DLX3: variants seen among roughly 807,000 people sequenced by gnomAD.
DLX3 encodes the protein homeobox protein DLX-3.
In DLX3, 9 loss-of-function variants were observed where a neutral mutation model predicts 28.0. That is an observed-to-expected ratio of 0.32 (90% CI 0.19 to 0.56). The LOEUF is 0.56. DLX3 is among the 20% of genes least tolerant of loss of function. The pLI is 0.91. For missense variants in DLX3, 313 were observed against 378.2 expected (o/e 0.83, Z 1.43); for synonymous variants, 154 against 167.9 (o/e 0.92, Z 0.64).
At position 49,993,466 on chromosome 17, in the gene DLX3, C is replaced by T; in HGVS notation, c.450G>A (p.Lys150=). The change falls in exon 2 of 3, where the codon AAG becomes AAA. Residue 150 remains lysine (K), a synonymous_variant. Transcript: ENST00000434704. ...GCTCGGGCAGCGCCAGGTACTGGGCCTTCTGGAAGCGGCGCTGCAGGGCGG... is the reference window on the plus strand; with the variant it reads ...GCTCGGGCAGCGCCAGGTACTGGGCTTTCTGGAAGCGGCGCTGCAGGGCGG... ...QLAALQRRFQ[K]AQYLALPERA... is the part of the protein sequence containing the mutation. 1 of 1,612,450 alleles carries T rather than the reference C, an allele frequency of 6.2e-7. No individual in the cohort carries two copies. The highest frequency in any genetic ancestry group is 1.7e-5 in the Admixed American group (1 of 59,900).
Position 49,994,668 on chromosome 17 carries a change from C to T in DLX3, c.325+6G>A. 4 of 1,614,108 alleles carry T rather than the reference C, an allele frequency of 2.5e-6. No individual in the cohort carries two copies. The highest frequency in any genetic ancestry group is 3.4e-6 in the Non-Finnish European group (4 of 1,180,034). On this transcript the variant is annotated splice_donor_region_variant and intron_variant, in intron 1 of 2. Transcript: ENST00000434704. ...CCCACTGTCCTCGCGACCCCGTGGCCCTCACCTGGGTCCTGGGCTGGCAGC... is the reference window on the plus strand; with the variant it reads ...CCCACTGTCCTCGCGACCCCGTGGCTCTCACCTGGGTCCTGGGCTGGCAGC...
rs979955241 is a variant in DLX3 at position 49,990,099 on chromosome 17, C to T, written c.*1418G>A. The T allele has an allele frequency of 3.3e-5, 5 of 152,464 alleles. No homozygotes were observed. The highest frequency in any genetic ancestry group is 6.5e-5 in the Admixed American group (1 of 15,272). The allele number at this position is 152,464 out of a possible 1,614,324, so 9.4% of individuals were successfully genotyped here. A position where few individuals can be genotyped will look rare whatever the true frequency, so the allele number is the denominator to read the frequency against. ...TGGGAGGGGGTGGGAGATGGCTTTG[C>T]TTCTTCCCCCCCGGGTGGGACTCTT... On this transcript the variant is annotated 3_prime_UTR_variant, in exon 3 of 3. Coordinates refer to ENST00000434704, the MANE Select transcript of DLX3 (RefSeq NM_005220.3).
Position 49,995,051 on chromosome 17 carries a change from G to A in DLX3, c.-53C>T. On this transcript the variant is annotated 5_prime_UTR_variant, in exon 1 of 3. Coordinates refer to ENST00000434704, the MANE Select transcript of DLX3 (RefSeq NM_005220.3). ...CTGGCCTCCGCAGAGGACAGGAACG[G>A]ACCGGAGTGCGAGAGAGGCGGAAGA... 1 of 1,590,352 alleles carries A rather than the reference G, an allele frequency of 6.3e-7. No individual in the cohort carries two copies. The highest frequency in any genetic ancestry group is 2.3e-5 in the East Asian group (1 of 44,390).
Position 49,991,267 on chromosome 17 carries a change from A to G in DLX3, c.*250T>C, listed in dbSNP as rs1197930002. On this transcript the variant is annotated 3_prime_UTR_variant, in exon 3 of 3. Transcript: ENST00000434704. The stretch of plus-strand genomic sequence containing the variant: ...AGCAGGTAGGGGAATGGCTGTCCCC[A>G]CTGGGGTGGAATGTCCCCACATCTG... 20 of 503,346 alleles carry G rather than the reference A, an allele frequency of 4.0e-5. No individual in the cohort carries two copies. The East Asian group carries it at 6.0e-4, about 15-fold the overall frequency. The allele number at this position is 503,346 out of a possible 1,614,324, so 31.2% of individuals were successfully genotyped here.
rs373291908 is a variant in DLX3, at chr17:49,991,699, G to A, written c.682C>T (p.Arg228Cys). Residue 228 changes from arginine (R) to cysteine (C), a missense_variant, in exon 3 of 3, where the codon CGC becomes TGC. Transcript: ENST00000434704. The part of the protein sequence containing the change: ...TSSHSTPAPA[R>C]SQLPPPLPYS... ...GGGAGCGGCGGGGGCAGCTGACTGC[G>A]GGCAGGGGCCGGAGTGGAGTGGGAA... 1.5e-5 allele frequency: 25 copies of A among 1,613,494 alleles called. No homozygotes were observed. Among genetic ancestry groups the A allele is most frequent in the Admixed American group, 1.2e-4 (7 of 59,968 alleles).
At chr17:49,993,754 C>T in intron 1 of DLX3, 164 bp from the exon 2 acceptor site, 2 of 681,182 alleles carry the variant, frequency 2.9e-6, no homozygotes, top group Non-Finnish European at 4.4e-6. Flanking sequence ...GGAGCCGCGG[C>T]CCCAGAGCCA....
rs1041243849 is a variant in DLX3, at chr17:49,991,463, C to T, written c.*54G>A. On this transcript the variant is annotated 3_prime_UTR_variant, in exon 3 of 3. Transcript: ENST00000434704. Reference sequence around the variant, plus strand: ...GATTCCTGAGTGGCTAGGACGGAGGCGCCTTCTGCCTGGTCCTGGGGTCCT... The same window carrying T: ...GATTCCTGAGTGGCTAGGACGGAGGTGCCTTCTGCCTGGTCCTGGGGTCCT... The T allele has an allele frequency of 4.1e-6, 6 of 1,460,002 alleles. No homozygotes were observed. Among genetic ancestry groups the T allele is most frequent in the East Asian group, 2.4e-5 (1 of 42,352 alleles). The allele number at this position is 1,460,002 out of a possible 1,614,324, so 90.4% of individuals were successfully genotyped here.
At position 49,991,541 on chromosome 17, in the gene DLX3, C is replaced by CG. The variant is rs1906088738; in HGVS notation, c.839dup (p.Pro281AlafsTer61). 2 of 1,607,036 alleles carry CG rather than the reference C, an allele frequency of 1.2e-6. No individual in the cohort carries two copies. Among genetic ancestry groups the CG allele is most frequent in the Non-Finnish European group, 8.5e-7 (1 of 1,179,150 alleles). On this transcript the variant is annotated frameshift_variant, in exon 3 of 3. Coordinates refer to ENST00000434704, the MANE Select transcript of DLX3 (RefSeq NM_005220.3). LOFTEE classifies it high-confidence loss of function. ...CTCAGTACACAGCCCCAGGGTTGGG[C>CG]GGGGGCCCGGGAGAGGCATGGTGCA...
Position 49,990,563 on chromosome 17 carries a change from G to A in DLX3, c.*954C>T, listed in dbSNP as rs1906051110. The A allele has an allele frequency of 6.6e-6, 1 of 152,504 alleles. No homozygotes were observed. Among genetic ancestry groups the A allele is most frequent in the Admixed American group, 6.5e-5 (1 of 15,274 alleles). 9.4% of individuals were successfully genotyped at this position (152,504 alleles called of 1,614,324 possible). A position where few individuals can be genotyped will look rare whatever the true frequency, so the allele number is the denominator to read the frequency against. ...CTGTTTCCAAGGCCACCGGAAAGGA[G>A]GTGTTTGGGGGTTTGTCTTGCCTGG... On this transcript the variant is annotated 3_prime_UTR_variant, in exon 3 of 3. Transcript: ENST00000434704.
rs1483058354 is a variant in DLX3 at position 49,993,479 on chromosome 17, C to T, written c.437G>A (p.Arg146His). The T allele has an allele frequency of 6.2e-7, 1 of 1,612,692 alleles. No individual in the cohort carries two copies. The highest frequency in any genetic ancestry group is 1.1e-5 in the South Asian group (1 of 90,972). ...YSSYQLAALQ[R>H]RFQKAQYLAL... ...CAGGTACTGGGCCTTCTGGAAGCGG[C>T]GCTGCAGGGCGGCCAGCTGGTAGCT... Residue 146 changes from arginine to histidine, a missense_variant, in exon 2 of 3, where the codon CGC (arginine) becomes CAC (histidine). By Grantham distance (29) the Arg-to-His change is conservative. Around this residue, in one of 3 missense-constraint regions of DLX3, gnomAD observed 183 missense variants for 197.7 expected, o/e 0.93. Transcript: ENST00000434704.
Position 49,991,545 on chromosome 17 carries a change from G to A in DLX3, c.836C>T (p.Pro279Leu). Reference protein sequence around the residue: ...PATLHHASPGPPPNPGAVY With the variant: ...PATLHHASPGLPPNPGAVY The stretch of plus-strand genomic sequence containing the variant: ...GTACACAGCCCCAGGGTTGGGCGGG[G>A]GCCCGGGAGAGGCATGGTGCAGGGT... Residue 279 changes from proline to leucine, a missense_variant, in exon 3 of 3, where the codon CCC (proline) becomes CTC (leucine). Physicochemically the swap from Pro to Leu is moderately conservative, Grantham distance 98 (BLOSUM62 -3). This residue lies in a region of DLX3 where 120 missense variants were observed against 145.4 expected (regional missense o/e 0.83). Coordinates refer to ENST00000434704, the MANE Select transcript of DLX3 (RefSeq NM_005220.3). 1.2e-6 allele frequency: 2 copies of A among 1,608,920 alleles called. No homozygotes were observed. Among genetic ancestry groups the A allele is most frequent in the Non-Finnish European group, 1.7e-6 (2 of 1,179,582 alleles).
chr17:49,994,861 G>C lies in DLX3; in HGVS notation c.138C>G (p.Pro46=). ...GCTGGCCCGAGTAGTAATCGTGCTG[G>C]GGAGCGCTGTAGTAGCCCAGGTCAG... ...SVTDLGYYSA[P]QHDYYSGQPY... Residue 46 remains proline (P), a synonymous_variant, in exon 1 of 3, where the codon CCC becomes CCG. Coordinates refer to ENST00000434704, the MANE Select transcript of DLX3 (RefSeq NM_005220.3). 3 of 1,614,158 alleles carry C rather than the reference G, an allele frequency of 1.9e-6. No individual in the cohort carries two copies. The highest frequency in any genetic ancestry group is 2.5e-6 in the Non-Finnish European group (3 of 1,180,032).
chr17:49,990,160 C>T lies in DLX3; in HGVS notation c.*1357G>A, dbSNP rs1038546193. Reference sequence around the variant, plus strand: ...CACGTCTCTCTTGGCCCCTGCACCTCCCACAAAACCCAAATCCAGCCGGAG... The same window carrying T: ...CACGTCTCTCTTGGCCCCTGCACCTTCCACAAAACCCAAATCCAGCCGGAG... On this transcript the variant is annotated 3_prime_UTR_variant, in exon 3 of 3. Coordinates refer to ENST00000434704, the MANE Select transcript of DLX3 (RefSeq NM_005220.3). 4 of 152,332 alleles carry T rather than the reference C, an allele frequency of 2.6e-5. No individual in the cohort carries two copies. The highest frequency in any genetic ancestry group is 5.9e-5 in the Non-Finnish European group (4 of 68,042). The allele number at this position is 152,332 out of a possible 1,614,324, so 9.4% of individuals were successfully genotyped here.
Position 49,995,068 on chromosome 17 carries a change from G to A in DLX3, c.-70C>T, listed in dbSNP as rs554800240. ...CAGGAACGGACCGGAGTGCGAGAGAGGCGGAAGAGACGAGGCAGGGGTGTG... is the reference window on the plus strand; with the variant it reads ...CAGGAACGGACCGGAGTGCGAGAGAAGCGGAAGAGACGAGGCAGGGGTGTG... On this transcript the variant is annotated 5_prime_UTR_variant, in exon 1 of 3. Coordinates refer to ENST00000434704, the MANE Select transcript of DLX3 (RefSeq NM_005220.3). 5 of 1,557,060 alleles carry A rather than the reference G, an allele frequency of 3.2e-6. 1 individual carries two copies. In the Admixed American group the frequency reaches 7.3e-5, roughly 23 times the overall value.
chr17:49,992,484 C>G (rs531791088), intron 2 of DLX3, among the ~76,000 whole-genome samples: 146 of 152,298 alleles, frequency 9.6e-4, no homozygotes, highest in Non-Finnish European at 1.7e-3. Context: ...TTCACACACT[C>G]AGGTGTGGAG....
intron 1 of DLX3, 114 bp from the exon 2 acceptor site, chr17:49,993,704 G>T: frequency 7.9e-7 from 1 of 1,265,924 alleles, no homozygotes; most frequent in Non-Finnish European, 1.1e-6. Context: ...ACTCGCCGCG[G>T]GATTCCCGGC....
intron 1 of DLX3, among the ~76,000 whole-genome samples, chr17:49,994,143 C>T (rs1487276995): frequency 6.9e-6 from 1 of 144,960 alleles, no homozygotes; most frequent in Non-Finnish European, 1.5e-5. Context: ...CTCTCACTGT[C>T]TTTCCATACT....
chr17:49,994,146 TC>T (rs979984421), intron 1 of DLX3, among the ~76,000 whole-genome samples: 14 of 146,030 alleles, frequency 9.6e-5, no homozygotes, highest in African/African-American at 3.6e-4. Context: ...TCACTGTCTT[TC>T]CATACTTCCC....
Position 49,995,106 on chromosome 17 carries a change from G to T in DLX3, c.-108C>A, listed in dbSNP as rs1305018391. 3.6e-6 allele frequency: 5 copies of T among 1,393,680 alleles called. No individual in the cohort carries two copies. In the East Asian group the frequency reaches 1.2e-4, roughly 35 times the overall value. The allele number at this position is 1,393,680 out of a possible 1,614,324, so 86.3% of individuals were successfully genotyped here. A position where few individuals can be genotyped will look rare whatever the true frequency, so the allele number is the denominator to read the frequency against. The stretch of plus-strand genomic sequence containing the variant: ...AGGCAGGGGTGTGTGTCCAGAAGGC[G>T]AAGGGAGGACCCGGCCGCGTCTGGG... On this transcript the variant is annotated 5_prime_UTR_variant, in exon 1 of 3. Coordinates refer to ENST00000434704, the MANE Select transcript of DLX3 (RefSeq NM_005220.3).
Sources: gnomAD v4.1 joint callset for allele counts (sites outside exome capture counted in the v4.1 genomes callset) on GRCh38, gnomAD v4.1.1 for gene constraint, gnomAD v4.1.1 regional missense constraint, MANE v1.5 for transcripts, NCBI Gene and HGNC (gene_info 2026-07-23, HGNC 2026-07-21) for gene names.